Variants in SLC25A44 observed in about 807,000 individuals in gnomAD.
SLC25A44 encodes the protein solute carrier family 25 member 44.
SLC25A44 carries 17 observed loss-of-function variants against 29.9 expected under a neutral mutation model. The ratio of observed to expected loss-of-function variants is 0.57; its 90% CI spans 0.39 to 0.85. SLC25A44 has a LOEUF of 0.85. Ranked by LOEUF, SLC25A44 falls within the 40% of genes least tolerant of loss-of-function variation. The pLI is 0.00. For missense variants in SLC25A44, 302 were observed against 398.4 expected, an observed-to-expected ratio of 0.76 and a Z score of 2.06; for synonymous variants, 140 against 151.8, an observed-to-expected ratio of 0.92 and a Z score of 0.57.
Position 156,200,401 on chromosome 1 carries a change from G to A in SLC25A44, c.554G>A (p.Gly185Asp). 1 of 1,613,946 alleles carries A rather than the reference G, an allele frequency of 6.2e-7. No individual in the cohort carries two copies. The highest frequency in any genetic ancestry group is 8.5e-7 in the Non-Finnish European group (1 of 1,180,034). Residue 185 changes from glycine (G) to aspartate (D), a missense_variant, in exon 2 of 4, where the codon GGC (glycine) becomes GAC (aspartate). Gly to Asp is a moderately conservative substitution (Grantham distance 94, BLOSUM62 -1). Coordinates refer to ENST00000359511, the MANE Select transcript of SLC25A44 (RefSeq NM_014655.4). ...QADGLRGFYR[G>D]YVASLLTYIP... ...GATGGACTTCGCGGCTTCTATCGAG[G>A]CTATGTGGCTTCACTGCTTACCTAT...
chr1:156,208,396 G>C (rs1460495713), intron 3 of SLC25A44, among the ~76,000 whole-genome samples: 1 of 152,098 alleles, frequency 6.6e-6, no homozygotes, highest in Non-Finnish European at 1.5e-5. Context: ...CGAGCCCAGA[G>C]GTGTAGGTTG....
Position 156,198,152 on chromosome 1 carries a change from A to G in SLC25A44, c.-13-1683A>G, listed in dbSNP as rs1381550762. The G allele has an allele frequency of 1.3e-5, 2 of 152,134 alleles. No homozygotes were observed. The highest frequency in any genetic ancestry group is 2.9e-5 in the Non-Finnish European group (2 of 68,034). The allele number at this position is 152,134 out of a possible 1,614,324, so 9.4% of individuals were successfully genotyped here. On this transcript the variant is annotated intron_variant, in intron 1 of 3. Transcript: ENST00000359511. This position sits in a 1 kb window ranked among gnomAD's most constrained non-coding sequence, Gnocchi z 4.1. The stretch of plus-strand genomic sequence containing the variant: ...ACCTCCTTTCTCTGGGATTTCTCTT[A>G]AAGTCTGGGGAGCCCCTGCTTCTCA...
At chr1:156,203,566 C>T (rs1200354353) in intron 2 of SLC25A44, among the ~76,000 whole-genome samples, 1 of 152,108 alleles carries the variant, frequency 6.6e-6, no homozygotes, top group Non-Finnish European at 1.5e-5. Context: ...GGGACTTAAA[C>T]CAAGTCAGCC....
intron 1 of SLC25A44, chr1:156,199,204 C>T (rs1486911186): frequency 1.3e-5 from 2 of 152,570 alleles, no homozygotes; most frequent in African/African-American, 4.8e-5. Context: ...GAGGCCAGCA[C>T]AGGAAACCAG....
At chr1:156,199,496 A>T in intron 1 of SLC25A44, 1 of 296,590 alleles carries the variant, frequency 3.4e-6, no homozygotes. Context: ...CAGGGCCCAG[A>T]CAGAGGCAGA....
intron 1 of SLC25A44, chr1:156,199,602 G>A (rs1656422285): frequency 1.9e-6 from 1 of 523,538 alleles, no homozygotes; most frequent in African/African-American, 1.9e-5. Flanking sequence ...TCTGGAGGAG[G>A]GAAACTGAGT....
In SLC25A44 at chr1:156,200,396, T is replaced by C. The variant is rs1656487685; in HGVS notation, c.549T>C (p.Tyr183=). The C allele has an allele frequency of 6.2e-7, 1 of 1,613,896 alleles. No homozygotes were observed. The highest frequency in any genetic ancestry group is 1.3e-5 in the African/African-American group (1 of 74,908). Residue 183 remains tyrosine (Y), a synonymous_variant, in exon 2 of 4, where the codon TAT becomes TAC. Coordinates refer to ENST00000359511, the MANE Select transcript of SLC25A44 (RefSeq NM_014655.4). ...ILQADGLRGF[Y]RGYVASLLTY... is the part of the protein sequence containing the mutation. ...AGGCTGATGGACTTCGCGGCTTCTA[T>C]CGAGGCTATGTGGCTTCACTGCTTA...
chr1:156,203,693 T>C (rs1656729183), intron 2 of SLC25A44, among the ~76,000 whole-genome samples: 1 of 139,952 alleles, frequency 7.1e-6, no homozygotes, highest in African/African-American at 2.6e-5. Flanking sequence ...TCTTTCATTC[T>C]CTTTCCTTTT....
At chr1:156,206,346 T>G (rs1161619246) in intron 2 of SLC25A44, among the ~76,000 whole-genome samples, 1 of 151,824 alleles carries the variant, frequency 6.6e-6, no homozygotes, top group East Asian at 1.9e-4. Flanking sequence ...CAAGTGATTC[T>G]CCTGCCTCAG....
chr1:156,205,626 T>A (rs1394475309), intron 2 of SLC25A44, among the ~76,000 whole-genome samples: 2 of 152,192 alleles, frequency 1.3e-5, no homozygotes, highest in Non-Finnish European at 2.9e-5. Flanking sequence ...TCATCCTTTA[T>A]CCCTGAGAGG....
At chr1:156,204,534 T>C (rs941580423) in intron 2 of SLC25A44, among the ~76,000 whole-genome samples, 2 of 152,012 alleles carry the variant, frequency 1.3e-5, no homozygotes, top group Admixed American at 6.6e-5. Context: ...TTGCCCAGGC[T>C]GGAGTGCAAT....
intron 2 of SLC25A44, among the ~76,000 whole-genome samples, chr1:156,201,355 C>T (rs1201772112): frequency 1.3e-5 from 2 of 152,058 alleles, no homozygotes; most frequent in Admixed American, 1.3e-4. Context: ...TGCCTGCTAC[C>T]CTGGGACATC....
intron 2 of SLC25A44, among the ~76,000 whole-genome samples, chr1:156,202,639 C>A (rs889187136): frequency 6.6e-6 from 1 of 152,178 alleles, no homozygotes; most frequent in Non-Finnish European, 1.5e-5. Context: ...ACCCTTAAAC[C>A]CAGAAGTGAT....
intron 2 of SLC25A44, among the ~76,000 whole-genome samples, chr1:156,205,120 C>T (rs142888373): frequency 0.015 from 2,249 of 151,804 alleles, 63 homozygotes; most frequent in African/African-American, 0.051. Flanking sequence ...CTTGGCTCAC[C>T]GCAACCTCCA....
intron 3 of SLC25A44, among the ~76,000 whole-genome samples, chr1:156,209,533 G>A (rs1244552657): frequency 2.0e-5 from 3 of 152,178 alleles, no homozygotes; most frequent in Admixed American, 1.3e-4. Context: ...CCGAGGGGCT[G>A]AGGAGTGGTT....
intron 2 of SLC25A44, among the ~76,000 whole-genome samples, chr1:156,201,548 A>G (rs907636291): frequency 1.3e-5 from 2 of 151,988 alleles, no homozygotes; most frequent in Admixed American, 1.3e-4. Context: ...GTGGCTCTGT[A>G]CTTTCCTGGT....
At chr1:156,208,345 A>G (rs931822161) in intron 3 of SLC25A44, among the ~76,000 whole-genome samples, 8 of 152,254 alleles carry the variant, frequency 5.3e-5, no homozygotes, top group African/African-American at 1.9e-4. Context: ...GCATGCGCCT[A>G]TAGTCCCAGC....
intron 2 of SLC25A44, among the ~76,000 whole-genome samples, chr1:156,202,889 A>G (rs1169964635): frequency 4.6e-5 from 7 of 152,190 alleles, no homozygotes; most frequent in Admixed American, 3.3e-4. Context: ...AACAGGGATC[A>G]TGTCCGTTTC....
At chr1:156,194,712 A>G (rs1375548982) in intron 1 of SLC25A44, among the ~76,000 whole-genome samples, 2 of 152,178 alleles carry the variant, frequency 1.3e-5, no homozygotes, top group East Asian at 3.9e-4. Context: ...AAGCATGTAC[A>G]TATATTCACG....
Sources: allele counts gnomAD v4.1 joint callset (sites outside exome capture counted in the v4.1 genomes callset), GRCh38; gene constraint gnomAD v4.1.1; non-coding constraint Gnocchi (gnomAD v3.1); transcripts MANE v1.5; gene names NCBI Gene and HGNC (gene_info 2026-07-23, HGNC 2026-07-21).